Variants in NREP observed in about 807,000 individuals in gnomAD.
The protein encoded by NREP is neuronal regeneration-related protein.
In NREP, 5 loss-of-function variants were observed where a neutral mutation model predicts 8.6. The ratio of observed to expected loss-of-function variants is 0.58; its 90% CI spans 0.30 to 1.22. The LOEUF is 1.22. Ranked by LOEUF, NREP falls within the 50% of genes most tolerant of loss-of-function variation. The probability of loss-of-function intolerance (pLI) is 0.07; values close to 1 mark genes in which losing one functional copy is unlikely to be tolerated. For synonymous variants in NREP, 27 were observed against 28.0 expected (o/e 0.96, Z 0.11); for missense variants, 86 against 82.5 (o/e 1.04, Z -0.17).
chr5:111,937,317 G>A (rs1755711298), intron 2 of NREP, among the ~76,000 whole-genome samples: 1 of 152,090 alleles, frequency 6.6e-6, no homozygotes, highest in Admixed American at 6.6e-5. Flanking sequence ...TCCAAGATTA[G>A]CAGAATCCTG....
intron 2 of NREP, among the ~76,000 whole-genome samples, chr5:111,904,408 A>G (rs1018346638): frequency 1.1e-4 from 17 of 152,074 alleles, no homozygotes; most frequent in African/African-American, 3.1e-4. Context: ...TCACCCATTC[A>G]TCTTTCCTGT....
chr5:111,902,952 AG>A (rs1314387168), intron 2 of NREP, among the ~76,000 whole-genome samples: 7 of 152,096 alleles, frequency 4.6e-5, no homozygotes, highest in Non-Finnish European at 1.0e-4. Flanking sequence ...TAGGACCTTC[AG>A]TTCTTCAGGG....
intron 2 of NREP, among the ~76,000 whole-genome samples, chr5:111,925,130 ACCCTCCTT>A (rs1333104132): frequency 6.6e-6 from 1 of 151,866 alleles, no homozygotes; most frequent in Non-Finnish European, 1.5e-5. Context: ...AAGGAGGTCT[ACCCTCCTT>A]CCTTCAATTT....
chr5:111,869,784 G>A (rs1459280269), intron 2 of NREP, among the ~76,000 whole-genome samples: 1 of 152,146 alleles, frequency 6.6e-6, no homozygotes, highest in Non-Finnish European at 1.5e-5. Context: ...AGCAAGGAGA[G>A]GAATTTGTTT....
At chr5:111,762,516 G>A (rs1214570579), upstream of NREP, among the ~76,000 whole-genome samples, 1 of 151,634 alleles carries the variant, frequency 6.6e-6, no homozygotes, top group Non-Finnish European at 1.5e-5. Context: ...GAATGTGACT[G>A]TATTTGGAGA....
At chr5:111,792,830 T>C (rs1751782172) in intron 2 of NREP, among the ~76,000 whole-genome samples, 1 of 152,238 alleles carries the variant, frequency 6.6e-6, no homozygotes, top group Non-Finnish European at 1.5e-5. Context: ...TAGCTTTATG[T>C]GTGTCATTTA....
intron 2 of NREP, among the ~76,000 whole-genome samples, chr5:111,894,019 A>G (rs191883859): frequency 2.2e-3 from 333 of 152,196 alleles, no homozygotes; most frequent in African/African-American, 7.4e-3. Context: ...GGAGTTCAAG[A>G]CTAGCCTGGC....
chr5:111,956,268 T>C (rs77312468), intron 2 of NREP, among the ~76,000 whole-genome samples: 1 of 151,586 alleles, frequency 6.6e-6, no homozygotes, highest in African/African-American at 2.4e-5. Flanking sequence ...AGCAAGAAAA[T>C]AAACAACAGA....
chr5:111,880,165 T>G (rs1754015385), intron 2 of NREP, among the ~76,000 whole-genome samples: 1 of 152,098 alleles, frequency 6.6e-6, no homozygotes, highest in Admixed American at 6.6e-5. Context: ...CTAGGCAGAT[T>G]TTTTTTTCAC....
At chr5:111,912,355 A>C (rs1754937304) in intron 2 of NREP, among the ~76,000 whole-genome samples, 1 of 151,864 alleles carries the variant, frequency 6.6e-6, no homozygotes, top group East Asian at 1.9e-4. Flanking sequence ...GACCCTCCTC[A>C]CTTCATCCAC....
intron 2 of NREP, among the ~76,000 whole-genome samples, chr5:111,896,946 C>T (rs1291866782): frequency 6.6e-6 from 1 of 152,164 alleles, no homozygotes; most frequent in East Asian, 1.9e-4. Context: ...ACCATATATT[C>T]TCTCAACATT....
chr5:111,858,833 A>C (rs1292394157), intron 2 of NREP, among the ~76,000 whole-genome samples: 1 of 152,152 alleles, frequency 6.6e-6, no homozygotes, highest in Non-Finnish European at 1.5e-5. Context: ...AAATGCTCCA[A>C]ACAACCTTAC....
chr5:111,794,741 C>G (rs1751837212), intron 2 of NREP, among the ~76,000 whole-genome samples: 1 of 152,086 alleles, frequency 6.6e-6, no homozygotes, highest in African/African-American at 2.4e-5. Context: ...CTGTATTAAG[C>G]TATCATGATG....
intron 2 of NREP, among the ~76,000 whole-genome samples, chr5:111,845,511 T>C (rs748345311): frequency 2.6e-5 from 4 of 152,160 alleles, no homozygotes; most frequent in Non-Finnish European, 5.9e-5. Context: ...CACACAGACA[T>C]TTCAATTTGT....
intron 2 of NREP, among the ~76,000 whole-genome samples, chr5:111,777,238 A>G (rs1751385772): frequency 6.6e-6 from 1 of 152,174 alleles, no homozygotes; most frequent in South Asian, 2.1e-4. Context: ...TGCCTAGAAG[A>G]AAAGCCAATT....
chr5:111,739,410 G>A (rs1160701597), intron 2 of NREP: 1 of 152,270 alleles, frequency 6.6e-6, no homozygotes, highest in Admixed American at 6.5e-5. Context: ...GCAGTAACAA[G>A]ACCCACATGA....
intron 2 of NREP, among the ~76,000 whole-genome samples, chr5:111,919,717 T>C (rs1193863756): frequency 1.3e-5 from 2 of 151,982 alleles, no homozygotes; most frequent in East Asian, 3.9e-4. Context: ...CACCGGGGCC[T>C]GTCAGGGGTT....
At chr5:111,865,387 A>G (rs1226170405) in intron 2 of NREP, among the ~76,000 whole-genome samples, 4 of 152,188 alleles carry the variant, frequency 2.6e-5, no homozygotes, top group Non-Finnish European at 4.4e-5. Context: ...ACTCGTGAAC[A>G]TTGAAAATAC....
At chr5:111,846,651 G>A (rs1256333829) in intron 2 of NREP, 1 of 151,538 alleles carries the variant, frequency 6.6e-6, no homozygotes, top group African/African-American at 2.4e-5. Flanking sequence ...ATATTCTGTA[G>A]CTCACTTTTC....
Sources: gnomAD v4.1 joint callset for allele counts (sites outside exome capture counted in the v4.1 genomes callset) on GRCh38, gnomAD v4.1.1 for gene constraint, MANE v1.5 for transcripts, NCBI Gene and HGNC (gene_info 2026-07-23, HGNC 2026-07-21) for gene names.